The following GABRG3 variants were observed in gnomAD, a reference collection of about 807,000 sequenced individuals.
GABRG3 encodes gamma-aminobutyric acid type A receptor subunit gamma3.
GABRG3 carries 25 observed loss-of-function variants against 48.8 expected under a neutral mutation model. That is an observed-to-expected ratio of 0.51 (90% CI 0.37 to 0.72). The LOEUF is 0.72. GABRG3 is among the 30% of genes least tolerant of loss of function. The pLI, the probability that GABRG3 is intolerant of heterozygous loss-of-function variation, is 0.00. For missense variants in GABRG3, 394 were observed against 577.9 expected (o/e 0.68, Z 3.26); for synonymous variants, 227 against 217.6 (o/e 1.04, Z -0.38).
chr15:27,411,741 C>T (rs912714005), intron 5 of GABRG3, among the ~76,000 whole-genome samples: 5 of 152,088 alleles, frequency 3.3e-5, no homozygotes, highest in Admixed American at 2.6e-4. Flanking sequence ...ATAAACCAAG[C>T]TCCCCTTCAA....
intron 3 of GABRG3, among the ~76,000 whole-genome samples, chr15:27,274,882 G>T (rs1310661496): frequency 6.6e-6 from 1 of 152,030 alleles, no homozygotes; most frequent in Non-Finnish European, 1.5e-5. Flanking sequence ...TAGTCTTAAG[G>T]CACCACCTTA....
At chr15:27,448,575 C>T (rs973286961) in intron 5 of GABRG3, among the ~76,000 whole-genome samples, 13 of 152,186 alleles carry the variant, frequency 8.5e-5, no homozygotes, top group Admixed American at 7.2e-4. Context: ...TTGATGGATA[C>T]ACACTATGTA....
intron 3 of GABRG3, among the ~76,000 whole-genome samples, chr15:27,102,724 T>TA (rs1307652971): frequency 6.6e-6 from 1 of 152,196 alleles, no homozygotes; most frequent in East Asian, 1.9e-4. Flanking sequence ...ATTGTGAGCT[T>TA]ACTTCTCCTA....
intron 3 of GABRG3, among the ~76,000 whole-genome samples, chr15:27,266,586 G>A (rs1398807869): frequency 6.6e-6 from 1 of 152,144 alleles, no homozygotes; most frequent in Non-Finnish European, 1.5e-5. Flanking sequence ...GTCCTGCTGG[G>A]ATTTTGATTA....
chr15:27,136,019 C>T (rs769986462), intron 3 of GABRG3, among the ~76,000 whole-genome samples: 1 of 152,210 alleles, frequency 6.6e-6, no homozygotes, highest in Non-Finnish European at 1.5e-5. Context: ...CAGTTCCTCC[C>T]TTCCCTCTAA....
At chr15:27,020,467 A>G (rs942853940) in intron 2 of GABRG3, among the ~76,000 whole-genome samples, 4 of 152,210 alleles carry the variant, frequency 2.6e-5, no homozygotes, top group African/African-American at 4.8e-5. Flanking sequence ...GCTGGAGTGC[A>G]GTGGCGCTAT....
chr15:27,247,995 G>A (rs1890320933), intron 3 of GABRG3, among the ~76,000 whole-genome samples: 1 of 152,178 alleles, frequency 6.6e-6, no homozygotes, highest in Admixed American at 6.5e-5. Context: ...ATAAGTAGAT[G>A]TCCAATACCA....
intron 3 of GABRG3, among the ~76,000 whole-genome samples, chr15:27,258,257 T>G (rs1007762587): frequency 1.3e-5 from 2 of 152,180 alleles, no homozygotes; most frequent in Admixed American, 6.5e-5. Context: ...TATTTCAGTA[T>G]CATGGTAATT....
At chr15:27,420,547 A>G (rs1264926048) in intron 5 of GABRG3, 1 of 152,224 alleles carries the variant, frequency 6.6e-6, no homozygotes, top group Non-Finnish European at 1.5e-5. Flanking sequence ...CACCGCACAC[A>G]CAAAAAATCT....
intron 6 of GABRG3, among the ~76,000 whole-genome samples, chr15:27,508,777 G>C (rs1222825441): frequency 6.6e-6 from 1 of 151,948 alleles, no homozygotes; most frequent in Non-Finnish European, 1.5e-5. Flanking sequence ...ACAGTGGCGT[G>C]ATCTCGGCTC....
intron 6 of GABRG3, among the ~76,000 whole-genome samples, chr15:27,504,942 A>G (rs181016097): frequency 6.6e-6 from 1 of 152,276 alleles, no homozygotes; most frequent in Non-Finnish European, 1.5e-5. Context: ...TCATGTTAAT[A>G]TTTTACTTTG....
intron 7 of GABRG3, among the ~76,000 whole-genome samples, chr15:27,522,458 T>G (rs1044348028): frequency 2.1e-4 from 32 of 151,868 alleles, no homozygotes; most frequent in African/African-American, 7.2e-4. Flanking sequence ...AGTTTTCTAT[T>G]TTTATTCTTT....
intron 5 of GABRG3, among the ~76,000 whole-genome samples, chr15:27,466,844 C>A (rs898910386): frequency 1.3e-5 from 2 of 152,112 alleles, no homozygotes; most frequent in Non-Finnish European, 2.9e-5. Context: ...GGCTGGAGAC[C>A]CATAGAGGGA....
Position 27,527,385 on chromosome 15 carries a change from T to C in GABRG3, c.866-48T>C, listed in dbSNP as rs372739989. ...GATGTGGGTGACCGTCTGGGATTCC[T>C]GTTGCGTGTTGCACCCTTTTACAAC... On this transcript the variant is annotated intron_variant, in intron 7 of 9. Transcript: ENST00000615808. The C allele has an allele frequency of 2.5e-4, 385 of 1,564,582 alleles. No individual in the cohort carries two copies. The African/African-American group carries it at 4.9e-3, about 20-fold the overall frequency.
At chr15:27,511,285 A>G (rs192469735) in intron 6 of GABRG3, among the ~76,000 whole-genome samples, 26 of 152,280 alleles carry the variant, frequency 1.7e-4, no homozygotes, top group Admixed American at 8.5e-4. Flanking sequence ...CCTACCTAAC[A>G]CCGTGTATAT....
chr15:27,182,296 C>T (rs1469837239), intron 3 of GABRG3, among the ~76,000 whole-genome samples: 1 of 152,156 alleles, frequency 6.6e-6, no homozygotes. Context: ...CTCTTACTCA[C>T]TCGTCGTGTT....
At chr15:27,314,108 C>G (rs1893127916) in intron 3 of GABRG3, among the ~76,000 whole-genome samples, 1 of 151,928 alleles carries the variant, frequency 6.6e-6, no homozygotes, top group South Asian at 2.1e-4. Flanking sequence ...TAATGAAAAT[C>G]AGAAATAAAT....
chr15:27,367,523 T>C (rs1360142264), intron 5 of GABRG3, among the ~76,000 whole-genome samples: 1 of 152,330 alleles, frequency 6.6e-6, no homozygotes, highest in African/African-American at 2.4e-5. Flanking sequence ...TCTACAATTT[T>C]ACAATTCTCT....
At chr15:27,077,340 G>A (rs2140740525) in intron 3 of GABRG3, among the ~76,000 whole-genome samples, 1 of 152,256 alleles carries the variant, frequency 6.6e-6, no homozygotes, top group South Asian at 2.1e-4. Flanking sequence ...AGGATTACCA[G>A]GTCCCCATGC....
Sources: gnomAD v4.1 joint callset for allele counts (sites outside exome capture counted in the v4.1 genomes callset) on GRCh38, gnomAD v4.1.1 for gene constraint, MANE v1.5 for transcripts, NCBI Gene and HGNC (gene_info 2026-07-23, HGNC 2026-07-21) for gene names.